ZNF429: variants seen among roughly 807,000 people sequenced by gnomAD.
ZNF429 encodes zinc finger protein 429.
A neutral mutation model predicts 56.8 loss-of-function variants in ZNF429; 53 were observed. The ratio of observed to expected loss-of-function variants is 0.93; its 90% confidence interval spans 0.75 to 1.17. The LOEUF (loss-of-function observed/expected upper bound fraction) is 1.17. Among genes scored for constraint, ZNF429 ranks in the 50% most tolerant of loss-of-function variants. The pLI, the probability that ZNF429 is intolerant of heterozygous loss-of-function variation, is 0.00. For missense variants in ZNF429, 849 were observed against 788.4 expected (o/e 1.08, Z -0.92); for synonymous variants, 278 against 264.7 (o/e 1.05, Z -0.49).
At chr19:21,510,476 A>C (rs2032398298) in intron 1 of ZNF429, among the ~76,000 whole-genome samples, 1 of 152,206 alleles carries the variant, frequency 6.6e-6, no homozygotes, top group Non-Finnish European at 1.5e-5. Context: ...AGTAAAGTGG[A>C]AGCATGTTTA....
Position 21,538,005 on chromosome 19 carries a change from C to T in ZNF429, c.1952C>T (p.Ala651Val), listed in dbSNP as rs781240912. 1 of 1,613,186 alleles carries T rather than the reference C, an allele frequency of 6.2e-7. No homozygotes were observed. The highest frequency in any genetic ancestry group is 1.1e-5 in the South Asian group (1 of 91,012). The change falls in exon 4 of 4, where the codon GCC becomes GTC. Residue 651 changes from alanine to valine, a missense_variant. Ala to Val is a moderately conservative substitution (Grantham distance 64, BLOSUM62 0). Coordinates refer to ENST00000358491, the MANE Select transcript of ZNF429 (RefSeq NM_001001415.4). Reference protein sequence around the residue: ...KIHRMGVVAHACNPSTLGGRG... With the variant: ...KIHRMGVVAHVCNPSTLGGRG... ...CATAGGATGGGTGTGGTGGCTCATG[C>T]CTGTAATCCCAGCACTTTGGGAGGC...
intron 1 of ZNF429, among the ~76,000 whole-genome samples, chr19:21,514,560 C>A (rs2032649070): frequency 2.0e-5 from 3 of 151,668 alleles, no homozygotes; most frequent in East Asian, 1.9e-4. Context: ...TGTTTATATA[C>A]CATGTATATT....
intron 1 of ZNF429, among the ~76,000 whole-genome samples, chr19:21,511,382 T>A (rs1041126955): frequency 1.4e-5 from 2 of 146,298 alleles, no homozygotes; most frequent in Non-Finnish European, 3.0e-5. Flanking sequence ...GCAGAGACGC[T>A]CCTCACCTCC....
chr19:21,513,674 C>T (rs2032606312), intron 1 of ZNF429, among the ~76,000 whole-genome samples: 2 of 152,212 alleles, frequency 1.3e-5, no homozygotes. Context: ...TGGAATAAAA[C>T]TCTTGGTATC....
chr19:21,529,774 G>C lies in ZNF429; in HGVS notation c.120G>C (p.Leu40Phe), dbSNP rs2033306822. The change falls in exon 2 of 4, where the codon TTG (leucine) becomes TTC (phenylalanine). Residue 40 changes from leucine (L) to phenylalanine (F), a missense_variant. Leu to Phe is a conservative substitution (Grantham distance 22). Transcript: ENST00000358491. ...RNVMLENYRN[L>F]VFLGIAVSKP... ...TGATGTTAGAGAACTACAGAAACTT[G>C]GTCTTCCTGGGTGAGAATAACTTCA... The C allele has an allele frequency of 6.3e-7, 1 of 1,577,508 alleles. No homozygotes were observed. The highest frequency in any genetic ancestry group is 1.1e-5 in the South Asian group (1 of 87,552).
In ZNF429 at chr19:21,537,605, T is replaced by G. The variant is rs1213503332; in HGVS notation, c.1552T>G (p.Phe518Val). The G allele has an allele frequency of 1.2e-6, 2 of 1,613,518 alleles. No homozygotes were observed. Among genetic ancestry groups the G allele is most frequent in the South Asian group, 2.2e-5 (2 of 91,062 alleles). Residue 518 changes from phenylalanine to valine, a missense_variant, in exon 4 of 4, where the codon TTT becomes GTT. Coordinates refer to ENST00000358491, the MANE Select transcript of ZNF429 (RefSeq NM_001001415.4). ...CAAATGTGAAGAATGTGGCAAAGCTTTTATCCTGTCCTCAAGACTTACTCA... is the reference window on the plus strand; with the variant it reads ...CAAATGTGAAGAATGTGGCAAAGCTGTTATCCTGTCCTCAAGACTTACTCA... ...PYKCEECGKA[F>V]ILSSRLTQHK...
chr19:21,505,857 T>C, intron 1 of ZNF429, 83 bp downstream of exon 1: 1 of 1,485,568 alleles, frequency 6.7e-7, no homozygotes, highest in Non-Finnish European at 9.3e-7. Context: ...GACTTAGGTC[T>C]CCCGGCAGTC....
rs1285367353 is a variant in ZNF429 at position 21,536,329 on chromosome 19, A to G, written c.276A>G (p.Lys92=). 1.2e-6 allele frequency: 2 copies of G among 1,608,766 alleles called. No individual in the cohort carries two copies. The highest frequency in any genetic ancestry group is 8.5e-7 in the Non-Finnish European group (1 of 1,178,248). The change falls in exon 4 of 4, where the codon AAA becomes AAG. Residue 92 remains lysine, a synonymous_variant. Transcript: ENST00000358491. The part of the protein sequence containing the change: ...AEDFWPEQDI[K]DSFQKVTLRR... ...ACTTTTGGCCAGAGCAAGACATAAA[A>G]GATTCTTTCCAAAAAGTGACACTGA...
chr19:21,514,133 GCA>G (rs1440533777), intron 1 of ZNF429, among the ~76,000 whole-genome samples: 2 of 152,102 alleles, frequency 1.3e-5, no homozygotes, highest in African/African-American at 4.8e-5. Flanking sequence ...ATTATCTGTA[GCA>G]CAAACCAGTC....
chr19:21,531,117 A>ACAAAAC, intron 3 of ZNF429, among the ~76,000 whole-genome samples: 20 of 88,884 alleles, frequency 2.3e-4, no homozygotes, highest in African/African-American at 8.1e-4. Flanking sequence ...AAAAAAAAAA[A>ACAAAAC]AAAAAAAAAA....
chr19:21,540,351 G>A lies in ZNF429; in HGVS notation c.*2273G>A, dbSNP rs765011054. Among the ~76,000 whole-genome samples, 9 of 151,900 alleles carry A rather than the reference G, an allele frequency of 5.9e-5. No homozygotes were observed. Among genetic ancestry groups the A allele is most frequent in the Non-Finnish European group, 1.0e-4 (7 of 67,946 alleles). ...TTTAACTGGCAGATAAGTTAATATT[G>A]TTCCCATAGGTTAAATATTTATCCT... On this transcript the variant is annotated 3_prime_UTR_variant, in exon 4 of 4. Transcript: ENST00000358491.
intron 1 of ZNF429, among the ~76,000 whole-genome samples, chr19:21,522,332 C>T (rs757956443): frequency 1.6e-4 from 25 of 152,264 alleles, no homozygotes; most frequent in Middle Eastern, 6.8e-3. Context: ...TAAGTTCTTC[C>T]ACTTGTGGAC....
rs1220747005 is a variant in ZNF429 at position 21,507,899 on chromosome 19, G to A, written c.3+2125G>A. Among the ~76,000 whole-genome samples the A allele has an allele frequency of 2.6e-5, 4 of 152,078 alleles. No individual in the cohort carries two copies. The East Asian group carries it at 7.7e-4, about 29-fold the overall frequency. The stretch of plus-strand genomic sequence containing the variant: ...ATTGCTGGTCACCCAATCAAATGCT[G>A]GTATTGAGTTGAAAACAAATAATTT... On this transcript the variant is annotated intron_variant, in intron 1 of 3. Coordinates refer to ENST00000358491, the MANE Select transcript of ZNF429 (RefSeq NM_001001415.4).
chr19:21,525,878 ATT>A (rs2033149985), intron 1 of ZNF429, among the ~76,000 whole-genome samples: 2 of 148,578 alleles, frequency 1.3e-5, no homozygotes, highest in African/African-American at 2.5e-5. Flanking sequence ...AAAAATTAAA[ATT>A]CTGGGTCCTT....
At chr19:21,518,052 T>A (rs2032834010) in intron 1 of ZNF429, among the ~76,000 whole-genome samples, 1 of 152,178 alleles carries the variant, frequency 6.6e-6, no homozygotes, top group Non-Finnish European at 1.5e-5. Context: ...CCTCCCAAAG[T>A]GCTGGGATTA....
intron 3 of ZNF429, among the ~76,000 whole-genome samples, chr19:21,535,317 TTC>T: frequency 6.7e-5 from 9 of 134,874 alleles, no homozygotes; most frequent in African/African-American, 1.2e-4. Flanking sequence ...CTTTCTTTCT[TTC>T]TTTCTTTCTC....
At chr19:21,522,569 G>T (rs575480695) in intron 1 of ZNF429, among the ~76,000 whole-genome samples, 20 of 152,240 alleles carry the variant, frequency 1.3e-4, no homozygotes, top group African/African-American at 4.6e-4. Context: ...ACTCTAGAGG[G>T]TACTTTTCCT....
In ZNF429 at chr19:21,536,818, A is replaced by G. The variant is rs754975381; in HGVS notation, c.765A>G (p.Lys255=). ...TNHKRIHTGE[K]PYKCKECGKA... ...ATAAGAGAATTCATACTGGAGAGAA[A>G]CCCTACAAATGTAAAGAATGTGGCA... The change falls in exon 4 of 4, where the codon AAA becomes AAG. Residue 255 remains lysine, a synonymous_variant. Coordinates refer to ENST00000358491, the MANE Select transcript of ZNF429 (RefSeq NM_001001415.4). 7 of 1,613,718 alleles carry G rather than the reference A, an allele frequency of 4.3e-6. No homozygotes were observed. In the Admixed American group the frequency reaches 1.2e-4, roughly 27 times the overall value.
At chr19:21,531,526 G>C in intron 3 of ZNF429, among the ~76,000 whole-genome samples, 1 of 152,278 alleles carries the variant, frequency 6.6e-6, no homozygotes, top group East Asian at 1.9e-4. Flanking sequence ...AAAATAGGCT[G>C]AGCACGGTGG....
Sources: gnomAD v4.1 joint callset for allele counts (sites outside exome capture counted in the v4.1 genomes callset) on GRCh38, gnomAD v4.1.1 for gene constraint, MANE v1.5 for transcripts, NCBI Gene and HGNC (gene_info 2026-07-23, HGNC 2026-07-21) for gene names.